USP7: variants seen among roughly 807,000 people sequenced by gnomAD.
USP7 encodes ubiquitin C-terminal hydrolase 7.
A neutral mutation model predicts 162.9 loss-of-function variants in USP7; 9 were observed. That is an observed-to-expected ratio of 0.06 (90% CI 0.03 to 0.10). The LOEUF is 0.10. USP7 is among the 10% of genes least tolerant of loss of function. The pLI is 1.00. For synonymous variants in USP7, 562 were observed against 475.9 expected (o/e 1.18, Z -2.35); for missense variants, 715 against 1,373.7 (o/e 0.52, Z 7.58).
intron 1 of USP7, chr16:8,962,648 A>G (rs542047262): frequency 1.0e-4 from 26 of 248,758 alleles, no homozygotes; most frequent in African/African-American, 5.3e-4. Context: ...ACTCTGGGCC[A>G]GTCCAAAACC....
chr16:8,902,867 A>C, intron 16 of USP7, among the ~76,000 whole-genome samples: 1 of 151,954 alleles, frequency 6.6e-6, no homozygotes, highest in Admixed American at 6.6e-5. Flanking sequence ...CAAGAGTGAA[A>C]CTCTGTCTCA....
At chr16:8,922,643 G>A (rs1487410512) in intron 3 of USP7, among the ~76,000 whole-genome samples, 3 of 152,242 alleles carry the variant, frequency 2.0e-5, no homozygotes, top group African/African-American at 7.2e-5. Flanking sequence ...CTGCAGACAG[G>A]TTGACAAAGT....
chr16:8,909,480 C>G (rs191555177), intron 11 of USP7, among the ~76,000 whole-genome samples: 1 of 152,326 alleles, frequency 6.6e-6, no homozygotes, highest in Non-Finnish European at 1.5e-5. Context: ...TTAATACAGT[C>G]TGAAAGATAA....
chr16:8,904,146 C>T (rs995757389), intron 15 of USP7, among the ~76,000 whole-genome samples: 3 of 152,188 alleles, frequency 2.0e-5, no homozygotes, highest in Non-Finnish European at 2.9e-5. Context: ...CTGCCCAGGG[C>T]AGCTCAAGGC....
intron 2 of USP7, among the ~76,000 whole-genome samples, chr16:8,927,205 C>T (rs919747501): frequency 1.3e-5 from 2 of 151,678 alleles, no homozygotes; most frequent in Non-Finnish European, 2.9e-5. Context: ...GCCTGTAGTC[C>T]CAGCTGCCTG....
intron 11 of USP7, 98 bp downstream of exon 11, chr16:8,910,647 C>G: frequency 9.4e-7 from 1 of 1,063,930 alleles, no homozygotes; most frequent in Non-Finnish European, 1.4e-6. Context: ...ACCAGAAACA[C>G]ATGAAAAGGC....
rs1348330072 is a variant in USP7, at chr16:8,903,461, AC to A, written c.1705-60del. On this transcript the variant is annotated intron_variant, in intron 15 of 30. Transcript: ENST00000344836. Reference sequence around the variant, plus strand: ...GACAACTGACAAAAAATGAGTCCACACTGAACACATTTAAACACTAAAACGC... The same window carrying A: ...GACAACTGACAAAAAATGAGTCCACATGAACACATTTAAACACTAAAACGC... 6 of 1,566,170 alleles carry A rather than the reference AC, an allele frequency of 3.8e-6. 1 individual carries two copies. Among genetic ancestry groups the A allele is most frequent in the Middle Eastern group, 1.7e-4 (1 of 5,864 alleles).
In USP7 at chr16:8,916,547, A is replaced by G; in HGVS notation, c.861T>C (p.Thr287=). Residue 287 remains threonine, a synonymous_variant, in exon 8 of 31, where the codon ACT becomes ACC. Transcript: ENST00000344836. The part of the protein sequence containing the change: ...KKLTKSFGWE[T]LDSFMQHDVQ... ...CATCATGTTGCATGAAGCTATCTAA[A>G]GTTTCCCACCTTTCAAAGATAAAAC... is the stretch of plus-strand genomic sequence containing the variant. 1 of 1,607,872 alleles carries G rather than the reference A, an allele frequency of 6.2e-7. No individual in the cohort carries two copies. The highest frequency in any genetic ancestry group is 1.1e-5 in the South Asian group (1 of 89,816).
chr16:8,915,581 A>G (rs983452810), intron 8 of USP7, 56 bp from the exon 9 acceptor site: 2 of 1,427,644 alleles, frequency 1.4e-6, no homozygotes, highest in African/African-American at 1.4e-5. Flanking sequence ...TAATATATAC[A>G]GTAATTTTAT....
intron 18 of USP7, 151 bp from the exon 19 acceptor site, chr16:8,901,385 A>G: frequency 3.2e-6 from 2 of 632,272 alleles, no homozygotes; most frequent in South Asian, 4.0e-5. Context: ...AGGTACCTAA[A>G]AGTTACTTCA....
Position 8,895,160 on chromosome 16 carries a change from C to G in USP7, c.2920-10G>C. ...GGTCCAAAGGGATTTCCTGGGGACA[C>G]GGACAACAGACACAGTTCTGTAAGT... On this transcript the variant is annotated splice_polypyrimidine_tract_variant and intron_variant, in intron 27 of 30. Transcript: ENST00000344836. The G allele has an allele frequency of 6.2e-7, 1 of 1,614,168 alleles. No individual in the cohort carries two copies. Among genetic ancestry groups the G allele is most frequent in the Admixed American group, 1.7e-5 (1 of 60,028 alleles).
chr16:8,896,930 A>G, intron 26 of USP7, 69 bp downstream of exon 26: 1 of 1,198,918 alleles, frequency 8.3e-7, no homozygotes, highest in Non-Finnish European at 1.2e-6. Flanking sequence ...CCACCAACGC[A>G]ACTGCAGAGG....
intron 1 of USP7, among the ~76,000 whole-genome samples, chr16:8,930,997 G>A (rs1399887282): frequency 2.0e-5 from 3 of 151,624 alleles, no homozygotes; most frequent in Non-Finnish European, 2.9e-5. Flanking sequence ...AAATCCTTAG[G>A]TAGTTCTTAC....
At chr16:8,912,204 C>G (rs2061957840) in intron 10 of USP7, among the ~76,000 whole-genome samples, 1 of 152,150 alleles carries the variant, frequency 6.6e-6, no homozygotes, top group Non-Finnish European at 1.5e-5. Context: ...GTAATCCCAG[C>G]ACTTTGGGAG....
At chr16:8,934,770 T>G (rs764050487) in intron 1 of USP7, among the ~76,000 whole-genome samples, 2 of 152,228 alleles carry the variant, frequency 1.3e-5, no homozygotes, top group African/African-American at 4.8e-5. Flanking sequence ...AAAGGGCCAC[T>G]GGTTGGCCAC....
At chr16:8,944,335 C>A (rs1212991202) in intron 1 of USP7, among the ~76,000 whole-genome samples, 1 of 152,004 alleles carries the variant, frequency 6.6e-6, no homozygotes, top group Non-Finnish European at 1.5e-5. Context: ...AGGAGGAGGC[C>A]AGAGTCCTGG....
intron 1 of USP7, chr16:8,962,403 A>G (rs1401892388): frequency 3.0e-6 from 1 of 328,324 alleles, no homozygotes; most frequent in African/African-American, 2.1e-5. Flanking sequence ...TCCAACCTTT[A>G]CAACCAAGAC....
intron 25 of USP7, 84 bp from the exon 26 acceptor site, chr16:8,897,183 T>A (rs2061695287): frequency 9.3e-7 from 1 of 1,069,948 alleles, no homozygotes; most frequent in Non-Finnish European, 1.4e-6. Flanking sequence ...GAAAGTTGCA[T>A]CATTGTTCTC....
At position 8,904,598 on chromosome 16, in the gene USP7, C is replaced by G. The variant is rs776966638; in HGVS notation, c.1574-33G>C. On this transcript the variant is annotated intron_variant, in intron 14 of 30. Transcript: ENST00000344836. ...ACAAAGGCATCCTCTTTGACCCCTG[C>G]AGATGGACTTTCCCCTCTTAGAAGC... The G allele has an allele frequency of 1.9e-6, 3 of 1,608,976 alleles. No individual in the cohort carries two copies. The East Asian group carries it at 6.7e-5, about 36-fold the overall frequency.
Sources: gnomAD v4.1 joint callset for allele counts (sites outside exome capture counted in the v4.1 genomes callset) on GRCh38, gnomAD v4.1.1 for gene constraint, MANE v1.5 for transcripts, NCBI Gene and HGNC (gene_info 2026-07-23, HGNC 2026-07-21) for gene names.